Variants in STAT5B observed in about 807,000 individuals in gnomAD.
STAT5B encodes the protein transcription factor STAT5B.
A neutral mutation model predicts 107.8 loss-of-function variants in STAT5B; 21 were observed. The ratio of observed to expected loss-of-function variants is 0.19; its 90% confidence interval spans 0.14 to 0.28. The LOEUF (loss-of-function observed/expected upper bound fraction) is 0.28, where lower values mean the gene tolerates loss of function less well. Ranked by LOEUF, STAT5B falls within the 10% of genes least tolerant of loss-of-function variation. The pLI, the probability that STAT5B is intolerant of heterozygous loss-of-function variation, is 1.00. For synonymous variants in STAT5B, 325 were observed against 401.7 expected (o/e 0.81, Z 2.28); for missense variants, 565 against 1,008.2 (o/e 0.56, Z 5.95).
intron 5 of STAT5B, among the ~76,000 whole-genome samples, chr17:42,222,372 G>C (rs1414870962): frequency 6.6e-6 from 1 of 152,150 alleles, no homozygotes. Flanking sequence ...GAAGCTCTCT[G>C]TGCCCCAACT....
At chr17:42,277,888 T>G (rs919776690), upstream of STAT5B, among the ~76,000 whole-genome samples, 3 of 152,004 alleles carry the variant, frequency 2.0e-5, no homozygotes, top group African/African-American at 7.3e-5. Context: ...CCTGAGTAGC[T>G]GGGATTACAG....
At chr17:42,254,522 TA>T (rs914452528) in intron 1 of STAT5B, among the ~76,000 whole-genome samples, 1,595 of 146,002 alleles carry the variant, frequency 0.011, 21 homozygotes, top group African/African-American at 0.034. Context: ...TTTCTGTCCT[TA>T]AAAAAAAAAA....
chr17:42,218,061 A>G, intron 9 of STAT5B, 90 bp downstream of exon 9: 1 of 1,551,802 alleles, frequency 6.4e-7, no homozygotes. Flanking sequence ...AAGGGCAAAC[A>G]GGGATCTGAC....
At chr17:42,203,151 G>C (rs191610984) in intron 16 of STAT5B, among the ~76,000 whole-genome samples, 1 of 152,036 alleles carries the variant, frequency 6.6e-6, no homozygotes, top group Admixed American at 6.6e-5. Flanking sequence ...ATGTCACCCA[G>C]GCTGTTTTCT....
rs769087102 is a variant in STAT5B at position 42,202,301 on chromosome 17, AG to A, written c.2237+38del. 8 of 1,612,336 alleles carry A rather than the reference AG, an allele frequency of 5.0e-6. No individual in the cohort carries two copies. The Admixed American group carries it at 1.3e-4, about 27-fold the overall frequency. ...GGGTCCAGCCTGGGGCCAAGCCCCC[AG>A]TTCCTCCCCTGTGGACCCCCACAAG... On this transcript the variant is annotated intron_variant, in intron 18 of 18. Transcript: ENST00000293328.
At chr17:42,282,752 A>G in the STAT5B span, among the ~76,000 whole-genome samples, 406 of 152,332 alleles carry the variant, frequency 2.7e-3, 4 homozygotes, top group Non-Finnish European at 4.8e-3. Context: ...CAGCAGAGCC[A>G]GGGTCTGCAC....
chr17:42,230,977 C>T (rs933742583), intron 2 of STAT5B, among the ~76,000 whole-genome samples: 5 of 151,876 alleles, frequency 3.3e-5, no homozygotes, highest in African/African-American at 1.2e-4. Flanking sequence ...TTCTTTTAGT[C>T]TTTATGTGTA....
chr17:42,218,170 T>C lies in STAT5B; in HGVS notation c.1150A>G (p.Lys384Glu). The stretch of plus-strand genomic sequence containing the variant: ...AATTACTTGCGGGTGTTCTCGTTCT[T>C]GAGCAGAGACTTGGCCTGCTGCTCA... ...ISEQQAKSLL[K>E]NENTRNDYSG... Residue 384 changes from lysine (K) to glutamate (E), a missense_variant, in exon 9 of 19, where the codon AAG becomes GAG. This residue lies in a region of STAT5B where 70 missense variants were observed against 73.2 expected (regional missense o/e 0.96). Coordinates refer to ENST00000293328, the MANE Select transcript of STAT5B (RefSeq NM_012448.4). The C allele has an allele frequency of 6.2e-7, 1 of 1,614,184 alleles. No homozygotes were observed. The highest frequency in any genetic ancestry group is 8.5e-7 in the Non-Finnish European group (1 of 1,180,030).
At chr17:42,225,664 A>G (rs2080267252) in intron 3 of STAT5B, among the ~76,000 whole-genome samples, 1 of 152,206 alleles carries the variant, frequency 6.6e-6, no homozygotes, top group South Asian at 2.1e-4. Context: ...AACCACCTAT[A>G]GATTGCTTAT....
upstream of STAT5B, chr17:42,276,528 C>G (rs1199251163): frequency 1.3e-5 from 2 of 151,324 alleles, no homozygotes; most frequent in African/African-American, 2.4e-5. This position sits in a 1 kb window ranked among gnomAD's most constrained non-coding sequence, Gnocchi z 4.8. Context: ...CCCGCTGTCC[C>G]TCGCGCCCCC....
chr17:42,242,364 A>G (rs2080411279), intron 1 of STAT5B, among the ~76,000 whole-genome samples: 1 of 152,188 alleles, frequency 6.6e-6, no homozygotes, highest in South Asian at 2.1e-4. Context: ...GTTGGGGAAC[A>G]GCATTTAGTC....
chr17:42,266,664 G>T (rs914812829), intron 1 of STAT5B, among the ~76,000 whole-genome samples: 17 of 151,926 alleles, frequency 1.1e-4, no homozygotes, highest in Admixed American at 9.8e-4. Context: ...TGGAGGTGGA[G>T]GTGGGAGGGA....
chr17:42,218,993 C>G, intron 7 of STAT5B, 115 bp from the exon 8 acceptor site: 10 of 1,007,412 alleles, frequency 9.9e-6, no homozygotes, highest in Non-Finnish European at 1.5e-5. Context: ...CCACACTTCC[C>G]ACCCATGGGA....
At chr17:42,260,848 G>A (rs920982422) in intron 1 of STAT5B, among the ~76,000 whole-genome samples, 1 of 151,538 alleles carries the variant, frequency 6.6e-6, no homozygotes, top group Non-Finnish European at 1.5e-5. Context: ...GAACAGTGCT[G>A]GTCTAGAACA....
At chr17:42,269,284 G>T (rs890982516) in intron 1 of STAT5B, among the ~76,000 whole-genome samples, 2 of 152,090 alleles carry the variant, frequency 1.3e-5, no homozygotes, top group East Asian at 3.8e-4. Flanking sequence ...ATGTTGGCCA[G>T]GCTGGTCTCC....
At chr17:42,279,526 G>A (rs974927943), upstream of STAT5B, among the ~76,000 whole-genome samples, 5 of 152,100 alleles carry the variant, frequency 3.3e-5, no homozygotes, top group African/African-American at 9.7e-5. Context: ...AGTGGCTCAC[G>A]CCTGTAATCC....
intron 12 of STAT5B, among the ~76,000 whole-genome samples, chr17:42,215,719 A>G (rs957899624): frequency 6.6e-6 from 1 of 152,038 alleles, no homozygotes; most frequent in African/African-American, 2.4e-5. Flanking sequence ...CTCGGGTTCA[A>G]GTGATTGTCG....
intron 1 of STAT5B, chr17:42,275,105 T>C (rs1307141106): frequency 6.6e-6 from 1 of 152,184 alleles, no homozygotes; most frequent in African/African-American, 2.4e-5. Context: ...GAAGTTTCAA[T>C]CCCTGGATAC....
chr17:42,277,144 C>T (rs1351207473), upstream of STAT5B, among the ~76,000 whole-genome samples: 12 of 152,334 alleles, frequency 7.9e-5, no homozygotes, highest in Admixed American at 6.5e-4. Context: ...TCCCCCAGAT[C>T]CTTTCCACGT....
Sources: gnomAD v4.1 joint callset for allele counts (sites outside exome capture counted in the v4.1 genomes callset) on GRCh38, gnomAD v4.1.1 for gene constraint, gnomAD v4.1.1 regional missense constraint, Gnocchi (gnomAD v3.1) non-coding constraint, MANE v1.5 for transcripts, NCBI Gene and HGNC (gene_info 2026-07-23, HGNC 2026-07-21) for gene names.